The following SRBD1 variants were observed in gnomAD, a reference collection of about 807,000 sequenced individuals.
SRBD1 encodes the protein S1 RNA binding domain 1.
Under a neutral mutation model 115.3 loss-of-function variants are expected in SRBD1, and 88 were observed. The ratio of observed to expected loss-of-function variants is 0.76; its 90% CI spans 0.64 to 0.91. SRBD1 has a LOEUF of 0.91. SRBD1 is among the 40% of genes least tolerant of loss of function. SRBD1 has a pLI of 0.00. For missense variants in SRBD1, 1,385 were observed against 1,177.4 expected, an observed-to-expected ratio of 1.18 and a Z score of -2.58; for synonymous variants, 509 against 407.7, an observed-to-expected ratio of 1.25 and a Z score of -2.99.
intron 19 of SRBD1, among the ~76,000 whole-genome samples, chr2:45,395,687 C>A (rs1370403893): frequency 6.6e-6 from 1 of 152,114 alleles, no homozygotes; most frequent in Non-Finnish European, 1.5e-5. Context: ...CACACACACA[C>A]AAAGAGCCAA....
intron 10 of SRBD1, among the ~76,000 whole-genome samples, chr2:45,555,974 C>T (rs1437125078): frequency 6.6e-6 from 1 of 152,070 alleles, no homozygotes; most frequent in East Asian, 1.9e-4. Flanking sequence ...TTAATATTAC[C>T]TTAAGGGTAC....
At chr2:45,520,653 G>A (rs2103953490) in intron 14 of SRBD1, among the ~76,000 whole-genome samples, 1 of 151,316 alleles carries the variant, frequency 6.6e-6, no homozygotes, top group African/African-American at 2.5e-5. Context: ...GAAGAGACAA[G>A]CAAATGGCAG....
At chr2:45,500,953 T>A (rs1670613171) in intron 14 of SRBD1, among the ~76,000 whole-genome samples, 1 of 152,196 alleles carries the variant, frequency 6.6e-6, no homozygotes, top group Admixed American at 6.5e-5. Context: ...GGCATACTTG[T>A]CTTGTTCTGT....
rs1666932710 is a variant in SRBD1, at chr2:45,389,333, G to T, written c.2965C>A (p.Leu989Met). The change falls in exon 21 of 21, where the codon CTG becomes ATG. Residue 989 changes from leucine to methionine, a missense_variant. Leu to Met is a conservative substitution (Grantham distance 15). Transcript: ENST00000263736. Reference sequence around the variant, plus strand: ...ACTCATAACACCCGAATGAGGTCCAGAGTAATCCTAGATCGGGGGATGTCA... The same window carrying T: ...ACTCATAACACCCGAATGAGGTCCATAGTAATCCTAGATCGGGGGATGTCA... ...NIDIPRSRIT[L>M]DLIRVL 1.2e-6 allele frequency: 2 copies of T among 1,613,990 alleles called. No homozygotes were observed. Among genetic ancestry groups the T allele is most frequent in the Non-Finnish European group, 8.5e-7 (1 of 1,179,910 alleles).
In SRBD1 at chr2:45,421,510, C is replaced by CAAAAAAAA. The variant is rs869298079; in HGVS notation, c.2050-1624_2050-1617dup. On this transcript the variant is annotated intron_variant, in intron 16 of 20. Coordinates refer to ENST00000263736, the MANE Select transcript of SRBD1 (RefSeq NM_018079.5). The stretch of plus-strand genomic sequence containing the variant: ...TGACGGTGTGAGACTCCGTCTCAAA[C>CAAAAAAAA]AAAAAAAAAAAAAAAAAAAAAAAAA... Among the ~76,000 whole-genome samples the CAAAAAAAA allele has an allele frequency of 9.4e-4, 21 of 22,288 alleles. 2 individuals are homozygous for CAAAAAAAA. The highest frequency in any genetic ancestry group is 2.2e-3 in the Admixed American group (3 of 1,380). 14.6% of individuals were successfully genotyped at this position (22,288 alleles called of 152,430 possible). A position where few individuals can be genotyped will look rare whatever the true frequency, so the allele number is the denominator to read the frequency against.
At chr2:45,502,766 C>T (rs911719956) in intron 14 of SRBD1, among the ~76,000 whole-genome samples, 10 of 151,550 alleles carry the variant, frequency 6.6e-5, no homozygotes, top group African/African-American at 1.7e-4. Flanking sequence ...CAACATGGCA[C>T]GTGTATACAT....
At chr2:45,600,068 G>C (rs1279459024) in intron 3 of SRBD1, among the ~76,000 whole-genome samples, 1 of 152,182 alleles carries the variant, frequency 6.6e-6, no homozygotes, top group African/African-American at 2.4e-5. Context: ...AGAGATGATG[G>C]GGGGAGGTGG....
intron 14 of SRBD1, among the ~76,000 whole-genome samples, chr2:45,528,170 C>A (rs1471838480): frequency 1.3e-5 from 2 of 151,792 alleles, no homozygotes; most frequent in East Asian, 3.9e-4. Flanking sequence ...AATGGCATCA[C>A]AATGGCATAA....
intron 16 of SRBD1, among the ~76,000 whole-genome samples, chr2:45,436,891 C>T (rs1202583282): frequency 6.6e-6 from 1 of 152,114 alleles, no homozygotes; most frequent in African/African-American, 2.4e-5. Flanking sequence ...GATTAAAAAA[C>T]TCCTGGAACT....
chr2:45,573,328 T>A lies in SRBD1; in HGVS notation c.1184A>T (p.His395Leu), dbSNP rs138338682. The A allele has an allele frequency of 6.2e-7, 1 of 1,609,806 alleles. No individual in the cohort carries two copies. The highest frequency in any genetic ancestry group is 2.2e-5 in the East Asian group (1 of 44,622). The change falls in exon 9 of 21, where the codon CAT (histidine) becomes CTT (leucine). Residue 395 changes from histidine to leucine, a missense_variant. Transcript: ENST00000263736. ...DFIRNLCQKR[H>L]VCIQSSLAKV... ...TGCCAGAGATGACTGGATACAAACA[T>A]GTCTCTTCTGGCACCTGTTCAGATA...
intron 14 of SRBD1, among the ~76,000 whole-genome samples, chr2:45,515,861 A>T (rs562096191): frequency 6.6e-6 from 1 of 152,338 alleles, no homozygotes; most frequent in South Asian, 2.1e-4. Context: ...TTCTATCATC[A>T]GTAGGCAGGT....
chr2:45,413,477 T>C (rs1667667394), intron 18 of SRBD1, among the ~76,000 whole-genome samples, 184 bp from the exon 19 acceptor site: 1 of 152,224 alleles, frequency 6.6e-6, no homozygotes. Context: ...GGCTTTCTGT[T>C]ACTTAAAGCC....
intron 15 of SRBD1, among the ~76,000 whole-genome samples, chr2:45,485,947 T>C (rs1341524456): frequency 6.6e-6 from 1 of 152,194 alleles, no homozygotes; most frequent in Non-Finnish European, 1.5e-5. Context: ...TCAAAGTTTC[T>C]AGGTATATAT....
At position 45,501,454 on chromosome 2, in the gene SRBD1, G is replaced by A. The variant is rs530938702; in HGVS notation, c.1875-13123C>T. Among the ~76,000 whole-genome samples, 76 of 152,230 alleles carry A rather than the reference G, an allele frequency of 5.0e-4. No individual in the cohort carries two copies. The Middle Eastern group carries it at 0.01, about 20-fold the overall frequency. On this transcript the variant is annotated intron_variant, in intron 14 of 20. Transcript: ENST00000263736. ...CTCACTGGGGCTTGTCGGACAGTGGGTGCAGCCCACCAAGCGTGAGGTGAA... is the reference window on the plus strand; with the variant it reads ...CTCACTGGGGCTTGTCGGACAGTGGATGCAGCCCACCAAGCGTGAGGTGAA...
intron 7 of SRBD1, among the ~76,000 whole-genome samples, chr2:45,576,644 T>A (rs549362419): frequency 6.6e-6 from 1 of 152,208 alleles, no homozygotes; most frequent in Non-Finnish European, 1.5e-5. Flanking sequence ...CTATAACACA[T>A]AGAGCACTCA....
chr2:45,563,345 T>C (rs891025457), intron 9 of SRBD1, among the ~76,000 whole-genome samples: 1 of 152,022 alleles, frequency 6.6e-6, no homozygotes, highest in Non-Finnish European at 1.5e-5. Context: ...AAACTTCAGA[T>C]CAATCTGTCC....
intron 19 of SRBD1, among the ~76,000 whole-genome samples, chr2:45,406,578 C>T (rs541944743): frequency 6.6e-6 from 1 of 152,152 alleles, no homozygotes; most frequent in East Asian, 1.9e-4. Context: ...TACTCCTGCT[C>T]TGTACCATAC....
chr2:45,561,706 A>G (rs1453358073), intron 10 of SRBD1, among the ~76,000 whole-genome samples: 1 of 152,250 alleles, frequency 6.6e-6, no homozygotes, highest in Non-Finnish European at 1.5e-5. Flanking sequence ...TGTGAGGATC[A>G]ATTACACTCT....
chr2:45,601,960 C>T lies in SRBD1; in HGVS notation c.204G>A (p.Lys68=), dbSNP rs1674106440. The change falls in exon 3 of 21, where the codon AAG becomes AAA. Residue 68 remains lysine, a synonymous_variant. Transcript: ENST00000263736. Reference sequence around the variant, plus strand: ...CATCACTGATCTGTGGGGCATTCTTCTTCACCCGAGGCATCCTCTTTGGTT... The same window carrying T: ...CATCACTGATCTGTGGGGCATTCTTTTTCACCCGAGGCATCCTCTTTGGTT... ...ESKPKRMPRV[K]KNAPQISDGS... The T allele has an allele frequency of 6.2e-7, 1 of 1,614,244 alleles. No homozygotes were observed. Among genetic ancestry groups the T allele is most frequent in the Admixed American group, 1.7e-5 (1 of 60,024 alleles).
Sources: allele counts gnomAD v4.1 joint callset (sites outside exome capture counted in the v4.1 genomes callset), GRCh38; gene constraint gnomAD v4.1.1; transcripts MANE v1.5; gene names NCBI Gene and HGNC (gene_info 2026-07-23, HGNC 2026-07-21).